RNF103: variants seen among roughly 807,000 people sequenced by gnomAD.
The protein encoded by RNF103 is E3 ubiquitin-protein ligase RNF103.
In RNF103, 23 loss-of-function variants were observed where a neutral mutation model predicts 66.2. The ratio of observed to expected loss-of-function variants is 0.35; its 90% CI spans 0.25 to 0.49. The LOEUF (loss-of-function observed/expected upper bound fraction) is 0.49. Among genes scored for constraint, RNF103 ranks in the 20% least tolerant of loss-of-function variants. The pLI is 0.98. For synonymous variants in RNF103, 297 were observed against 289.9 expected (o/e 1.02, Z -0.25); for missense variants, 730 against 814.7 (o/e 0.90, Z 1.27).
intron 2 of RNF103, among the ~76,000 whole-genome samples, chr2:86,619,527 A>C (rs1679145319): frequency 6.6e-6 from 1 of 152,222 alleles, no homozygotes; most frequent in Admixed American, 6.5e-5. Flanking sequence ...CTACATTAAT[A>C]ATTTTAGCCA....
At position 86,622,842 on chromosome 2, in the gene RNF103, C is replaced by A; in HGVS notation, c.45G>T (p.Leu15=). ...CCTCAAAAAACCTGGCCAGGACGAACAGGACCAGGAAATAGAGGAGCAAGA... is the reference window on the plus strand; with the variant it reads ...CCTCAAAAAACCTGGCCAGGACGAAAAGGACCAGGAAATAGAGGAGCAAGA... ...LFFLLLYFLV[L]FVLARFFEAI... The change falls in exon 1 of 4, where the codon CTG becomes CTT. Residue 15 remains leucine (L), a synonymous_variant. Coordinates refer to ENST00000237455, the MANE Select transcript of RNF103 (RefSeq NM_005667.4). The A allele has an allele frequency of 6.2e-7, 1 of 1,613,886 alleles. No homozygotes were observed. The highest frequency in any genetic ancestry group is 8.5e-7 in the Non-Finnish European group (1 of 1,179,906).
chr2:86,616,372 T>C (rs975394304), intron 2 of RNF103: 16 of 580,246 alleles, frequency 2.8e-5, no homozygotes, highest in African/African-American at 4.0e-5. Context: ...CAACCTAGTA[T>C]ATACATGCAA....
intron 2 of RNF103, among the ~76,000 whole-genome samples, chr2:86,619,235 G>C (rs906954765): frequency 3.9e-5 from 6 of 152,154 alleles, no homozygotes; most frequent in African/African-American, 1.4e-4. Flanking sequence ...TACCAGACCT[G>C]CAACTAATGT....
Position 86,604,869 on chromosome 2 carries a change from A to C in RNF103, c.1032T>G (p.Ile344Met). The change falls in exon 4 of 4, where the codon ATT becomes ATG. Residue 344 changes from isoleucine (I) to methionine (M), a missense_variant. Ile to Met is a conservative substitution (Grantham distance 10). Around this residue, in one of 3 missense-constraint regions of RNF103, gnomAD observed 48 missense variants for 93.0 expected, o/e 0.52. Coordinates refer to ENST00000237455, the MANE Select transcript of RNF103 (RefSeq NM_005667.4). Reference protein sequence around the residue: ...VNLMAWMDLFITQGATIKRFV... With the variant: ...VNLMAWMDLFMTQGATIKRFV... Reference sequence around the variant, plus strand: ...ATCGCTTTATGGTAGCTCCTTGTGTAATAAATAAGTCCATCCAAGCCATAA... The same window carrying C: ...ATCGCTTTATGGTAGCTCCTTGTGTCATAAATAAGTCCATCCAAGCCATAA... The C allele has an allele frequency of 6.2e-7, 1 of 1,614,108 alleles. No homozygotes were observed. Among genetic ancestry groups the C allele is most frequent in the Non-Finnish European group, 8.5e-7 (1 of 1,180,030 alleles).
At position 86,623,370 on chromosome 2, in the gene RNF103, C is replaced by A; in HGVS notation, c.-484G>T. 1.0e-6 allele frequency: 1 copy of A among 980,644 alleles called. No individual in the cohort carries two copies. Among genetic ancestry groups the A allele is most frequent in the South Asian group, 4.7e-5 (1 of 21,262 alleles). 60.7% of individuals were successfully genotyped at this position (980,644 alleles called of 1,614,324 possible). Reference sequence around the variant, plus strand: ...GGGCGGCAGGCCGGGGCCCGAGGGGCCGTGGGGGCCGGACTCCCGCGGCCG... The same window carrying A: ...GGGCGGCAGGCCGGGGCCCGAGGGGACGTGGGGGCCGGACTCCCGCGGCCG... On this transcript the variant is annotated 5_prime_UTR_variant, in exon 1 of 4. Transcript: ENST00000237455.
At chr2:86,612,996 A>G (rs1371502329) in intron 2 of RNF103, 1 of 152,280 alleles carries the variant, frequency 6.6e-6, no homozygotes, top group Non-Finnish European at 1.5e-5. Flanking sequence ...GTGGTGGCTC[A>G]CGCCTGTAAT....
In RNF103 at chr2:86,603,727, T is replaced by C; in HGVS notation, c.*116A>G. The C allele has an allele frequency of 7.1e-7, 1 of 1,403,630 alleles. No homozygotes were observed. Among genetic ancestry groups the C allele is most frequent in the Non-Finnish European group, 9.6e-7 (1 of 1,041,984 alleles). The allele number at this position is 1,403,630 out of a possible 1,614,324, so 86.9% of individuals were successfully genotyped here. A position where few individuals can be genotyped will look rare whatever the true frequency, so the allele number is the denominator to read the frequency against. On this transcript the variant is annotated 3_prime_UTR_variant, in exon 4 of 4. Coordinates refer to ENST00000237455, the MANE Select transcript of RNF103 (RefSeq NM_005667.4). ...GTCATCAACATTAGCATAATGTGTA[T>C]TTCCCGTCACTGCACTAACATTAAA...
intron 1 of RNF103, among the ~76,000 whole-genome samples, chr2:86,621,686 A>G (rs1387232153): frequency 3.9e-5 from 6 of 152,186 alleles, no homozygotes; most frequent in African/African-American, 7.2e-5. Flanking sequence ...CTAAAGAAGG[A>G]AAAGATTTGT....
At chr2:86,606,299 G>A (rs945803467) in intron 3 of RNF103, among the ~76,000 whole-genome samples, 4 of 152,162 alleles carry the variant, frequency 2.6e-5, no homozygotes, top group Admixed American at 1.3e-4. Context: ...TCTATTGACA[G>A]GTTCTTGCTA....
At chr2:86,613,183 C>T (rs1386163062) in intron 2 of RNF103, 1 of 152,268 alleles carries the variant, frequency 6.6e-6, no homozygotes, top group African/African-American at 2.4e-5. Flanking sequence ...TCACTTGAAC[C>T]TGTGAGGTGG....
chr2:86,612,461 G>C lies in RNF103; in HGVS notation c.367-187C>G, dbSNP rs1326995359. ...CAACTATCCAATAGGAAAAAGACTT[G>C]AAACACTGAAACGTAAATTAAACTC... On this transcript the variant is annotated intron_variant, in intron 2 of 3. Coordinates refer to ENST00000237455, the MANE Select transcript of RNF103 (RefSeq NM_005667.4). 11 of 504,420 alleles carry C rather than the reference G, an allele frequency of 2.2e-5. No individual in the cohort carries two copies. The Admixed American group carries it at 3.8e-4, about 17-fold the overall frequency. 31.2% of individuals were successfully genotyped at this position (504,420 alleles called of 1,614,324 possible). A position where few individuals can be genotyped will look rare whatever the true frequency, so the allele number is the denominator to read the frequency against.
chr2:86,603,514 A>G lies in RNF103; in HGVS notation c.*329T>C, dbSNP rs1399453584. The G allele has an allele frequency of 1.9e-5, 5 of 259,234 alleles. No individual in the cohort carries two copies. Among genetic ancestry groups the G allele is most frequent in the Non-Finnish European group, 3.6e-5 (5 of 137,232 alleles). The allele number at this position is 259,234 out of a possible 1,614,324, so 16.1% of individuals were successfully genotyped here. A position where few individuals can be genotyped will look rare whatever the true frequency, so the allele number is the denominator to read the frequency against. On this transcript the variant is annotated 3_prime_UTR_variant, in exon 4 of 4. Coordinates refer to ENST00000237455, the MANE Select transcript of RNF103 (RefSeq NM_005667.4). ...TGTAAAAAGGGAGGAAACATTTAGG[A>G]TAAGAAACCGGCTCAATTCCATTAG...
intron 3 of RNF103, among the ~76,000 whole-genome samples, chr2:86,610,823 A>C (rs962611364): frequency 6.6e-6 from 1 of 152,190 alleles, no homozygotes; most frequent in African/African-American, 2.4e-5. Flanking sequence ...CTTTGACTCT[A>C]TTTGGAAATG....
In RNF103 at chr2:86,613,687, A is replaced by G. The variant is rs183787687; in HGVS notation, c.367-1413T>C. The G allele has an allele frequency of 2.4e-4, 36 of 152,280 alleles. 1 individual carries two copies. In the East Asian group the frequency reaches 6.6e-3, roughly 28 times the overall value. The allele number at this position is 152,280 out of a possible 1,614,324, so 9.4% of individuals were successfully genotyped here. ...CCTTGGGAGACGCAAGAGGTGGTGC[A>G]GCCACCTCATCTGTGGCCTCTGTGC... is the stretch of plus-strand genomic sequence containing the variant. On this transcript the variant is annotated intron_variant, in intron 2 of 3. Coordinates refer to ENST00000237455, the MANE Select transcript of RNF103 (RefSeq NM_005667.4).
At chr2:86,622,355 AC>A (rs1679257315) in intron 1 of RNF103, among the ~76,000 whole-genome samples, 1 of 152,206 alleles carries the variant, frequency 6.6e-6, no homozygotes, top group South Asian at 2.1e-4. Context: ...CCAGTTTGTA[AC>A]TAGTTGATAT....
chr2:86,609,422 G>C (rs1466376043), intron 3 of RNF103, among the ~76,000 whole-genome samples: 1 of 137,776 alleles, frequency 7.3e-6, no homozygotes, highest in Non-Finnish European at 1.5e-5. Flanking sequence ...TCTCGCTCTT[G>C]TCACCCAGGC....
At chr2:86,619,399 G>A (rs1012045276) in intron 2 of RNF103, among the ~76,000 whole-genome samples, 1 of 152,142 alleles carries the variant, frequency 6.6e-6, no homozygotes, top group Non-Finnish European at 1.5e-5. Flanking sequence ...GAAGACCTGG[G>A]TTTCATCCTG....
At chr2:86,615,791 A>G (rs1391207515) in intron 2 of RNF103, among the ~76,000 whole-genome samples, 2 of 152,146 alleles carry the variant, frequency 1.3e-5, no homozygotes, top group Non-Finnish European at 2.9e-5. Flanking sequence ...CTAGAAGTGA[A>G]GCAATCTTTC....
rs1378642164 is a variant in RNF103, at chr2:86,604,576, T to G, written c.1325A>C (p.Asn442Thr). The G allele has an allele frequency of 1.2e-6, 2 of 1,614,200 alleles. No homozygotes were observed. Among genetic ancestry groups the G allele is most frequent in the East Asian group, 4.5e-5 (2 of 44,878 alleles). Residue 442 changes from asparagine (N) to threonine (T), a missense_variant, in exon 4 of 4, where the codon AAC (asparagine) becomes ACC (threonine). Physicochemically the swap from Asn to Thr is moderately conservative, Grantham distance 65. Around this residue, in one of 3 missense-constraint regions of RNF103, gnomAD observed 355 missense variants for 351.9 expected, o/e 1.01. Transcript: ENST00000237455. ...ATTGGCATTGACTTCATCATTGTTG[T>G]TGTTGCGCCTTCTCTTCTTCTCAAA... ...DYFEKKRRRN[N>T]NNDEVNANNL...
Sources: allele counts gnomAD v4.1 joint callset (sites outside exome capture counted in the v4.1 genomes callset), GRCh38; gene constraint gnomAD v4.1.1; regional missense constraint gnomAD v4.1.1; transcripts MANE v1.5; gene names NCBI Gene and HGNC (gene_info 2026-07-23, HGNC 2026-07-21).